The following UNC13C variants were observed in gnomAD, a reference collection of about 807,000 sequenced individuals.
UNC13C encodes the protein unc-13 homolog C.
Under a neutral mutation model 245.4 loss-of-function variants are expected in UNC13C, and 174 were observed. That is an observed-to-expected ratio of 0.71 (90% CI 0.63 to 0.80). The LOEUF (loss-of-function observed/expected upper bound fraction) is 0.80. Among genes scored for constraint, UNC13C ranks in the 30% least tolerant of loss-of-function variants. The pLI, the probability that UNC13C is intolerant of heterozygous loss-of-function variation, is 0.00. For synonymous variants in UNC13C, 992 were observed against 895.1 expected, an observed-to-expected ratio of 1.11 and a Z score of -1.93; for missense variants, 2,829 against 2,602.9, an observed-to-expected ratio of 1.09 and a Z score of -1.89.
At chr15:53,927,524 T>A in the UNC13C span, among the ~76,000 whole-genome samples, 1 of 152,012 alleles carries the variant, frequency 6.6e-6, no homozygotes, top group Non-Finnish European at 1.5e-5. Context: ...GTTGTCAGGG[T>A]GGGTGATAAT....
intron 30 of UNC13C, among the ~76,000 whole-genome samples, chr15:54,571,369 A>T (rs921553518): frequency 6.6e-6 from 1 of 152,212 alleles, no homozygotes; most frequent in African/African-American, 2.4e-5. Context: ...CTTAATCACT[A>T]GCATGATAGC....
chr15:53,907,767 A>G, the UNC13C span, among the ~76,000 whole-genome samples: 2 of 114,610 alleles, frequency 1.7e-5, 1 homozygote, highest in Non-Finnish European at 4.3e-5. Flanking sequence ...CAAGGTCTCT[A>G]TCTATCTTCA....
intron 4 of UNC13C, among the ~76,000 whole-genome samples, chr15:54,170,790 A>G (rs931505916): frequency 1.5e-4 from 23 of 152,194 alleles, no homozygotes; most frequent in African/African-American, 5.1e-4. Context: ...GTAAAGACCC[A>G]GAAATCCTCA....
At chr15:54,385,387 T>C (rs1407640621) in intron 17 of UNC13C, among the ~76,000 whole-genome samples, 1 of 152,098 alleles carries the variant, frequency 6.6e-6, no homozygotes, top group African/African-American at 2.4e-5. Context: ...ATCATGTCAT[T>C]TTCAGTCACA....
At chr15:54,175,499 G>A (rs560248909) in intron 4 of UNC13C, among the ~76,000 whole-genome samples, 1 of 142,806 alleles carries the variant, frequency 7.0e-6, no homozygotes, top group South Asian at 2.2e-4. Context: ...CTGTTGTTGT[G>A]GCCCTAGAAT....
At chr15:54,434,099 A>G (rs1322933523) in intron 19 of UNC13C, among the ~76,000 whole-genome samples, 1 of 152,146 alleles carries the variant, frequency 6.6e-6, no homozygotes, top group Non-Finnish European at 1.5e-5. Context: ...AAACAAATGG[A>G]AATAAATTTC....
the UNC13C span, among the ~76,000 whole-genome samples, chr15:53,852,113 G>T: frequency 6.6e-6 from 1 of 152,122 alleles, no homozygotes; most frequent in Non-Finnish European, 1.5e-5. Flanking sequence ...GGACAGTCTT[G>T]CAGGATTCAG....
rs532690750 is a variant in UNC13C, at chr15:54,283,670, C to T, written c.3819-10225C>T. Among the ~76,000 whole-genome samples, 54 of 151,112 alleles carry T rather than the reference C, an allele frequency of 3.6e-4. 2 individuals are homozygous for T. The South Asian group carries it at 0.011, about 30-fold the overall frequency. On this transcript the variant is annotated intron_variant, in intron 10 of 32. Coordinates refer to ENST00000260323, the MANE Select transcript of UNC13C (RefSeq NM_001080534.3). ...TACCTGTAATTAAAAATCTAAGTGC[C>T]TAGAACATTTCTATGTGATATATAT...
At chr15:54,029,376 C>T (rs1248361299) in intron 2 of UNC13C, among the ~76,000 whole-genome samples, 1 of 152,212 alleles carries the variant, frequency 6.6e-6, no homozygotes. Flanking sequence ...ATGATACAAA[C>T]ACGTGGTTTC....
chr15:54,140,647 G>A (rs192671617), intron 2 of UNC13C, among the ~76,000 whole-genome samples: 14 of 152,290 alleles, frequency 9.2e-5, no homozygotes, highest in Non-Finnish European at 1.6e-4. Flanking sequence ...TGTTTCACAG[G>A]GAGGAAACAG....
At chr15:54,237,847 C>G (rs550515683) in intron 7 of UNC13C, among the ~76,000 whole-genome samples, 157 bp downstream of exon 7, 1 of 152,292 alleles carries the variant, frequency 6.6e-6, no homozygotes, top group East Asian at 1.9e-4. Context: ...CAAACTTCCT[C>G]AGGGACTCAG....
At chr15:54,229,730 C>G (rs2035495557) in intron 4 of UNC13C, among the ~76,000 whole-genome samples, 1 of 151,990 alleles carries the variant, frequency 6.6e-6, no homozygotes, top group Non-Finnish European at 1.5e-5. Flanking sequence ...AAACTCATTC[C>G]TCCTGTGTAA....
At chr15:54,432,600 G>A (rs1374916012) in intron 19 of UNC13C, among the ~76,000 whole-genome samples, 1 of 151,926 alleles carries the variant, frequency 6.6e-6, no homozygotes, top group Non-Finnish European at 1.5e-5. Flanking sequence ...AGCTAAAACA[G>A]TGTTAAGAGG....
chr15:54,079,434 C>T (rs986449803), intron 2 of UNC13C, among the ~76,000 whole-genome samples: 1 of 151,766 alleles, frequency 6.6e-6, no homozygotes, highest in Non-Finnish European at 1.5e-5. Flanking sequence ...TGAATTCTTC[C>T]TATTCATAAG....
chr15:54,078,135 A>G (rs1319569942), intron 2 of UNC13C, among the ~76,000 whole-genome samples: 2 of 152,198 alleles, frequency 1.3e-5, no homozygotes, highest in Non-Finnish European at 2.9e-5. Flanking sequence ...ATGTTGCTGT[A>G]AAATACATGA....
intron 24 of UNC13C, among the ~76,000 whole-genome samples, chr15:54,516,632 C>G (rs1308888463): frequency 6.6e-6 from 1 of 151,966 alleles, no homozygotes; most frequent in Non-Finnish European, 1.5e-5. Context: ...AATCCTGTTT[C>G]TACTAAAAAT....
chr15:54,381,049 T>C (rs1228366042), intron 17 of UNC13C, among the ~76,000 whole-genome samples: 1 of 152,184 alleles, frequency 6.6e-6, no homozygotes. Context: ...TCTAGTGTCA[T>C]GGAGCTTTTC....
At chr15:54,104,368 C>T (rs1188378056) in intron 2 of UNC13C, among the ~76,000 whole-genome samples, 3 of 152,010 alleles carry the variant, frequency 2.0e-5, no homozygotes, top group African/African-American at 7.2e-5. Flanking sequence ...ATGTTTTTGT[C>T]TATGCTAACT....
chr15:54,463,736 G>T (rs1371348057), intron 19 of UNC13C, among the ~76,000 whole-genome samples: 1 of 152,152 alleles, frequency 6.6e-6, no homozygotes, highest in African/African-American at 2.4e-5. Context: ...CTTGAAATCA[G>T]TTAGACCAAG....
Sources: allele counts gnomAD v4.1 joint callset (sites outside exome capture counted in the v4.1 genomes callset), GRCh38; gene constraint gnomAD v4.1.1; transcripts MANE v1.5; gene names NCBI Gene and HGNC (gene_info 2026-07-23, HGNC 2026-07-21).